The following APBA2 variants were observed in gnomAD, a reference collection of about 807,000 sequenced individuals.
The protein encoded by APBA2 is amyloid beta precursor protein binding family A member 2, also known as amyloid-beta A4 precursor protein-binding family A member 2.
Under a neutral mutation model 75.0 loss-of-function variants are expected in APBA2, and 30 were observed. That is an observed-to-expected ratio of 0.40 (90% CI 0.30 to 0.54). The LOEUF (loss-of-function observed/expected upper bound fraction) is 0.54. Ranked by LOEUF, APBA2 falls within the 20% of genes least tolerant of loss-of-function variation. APBA2 has a pLI of 0.49. For missense variants in APBA2, 801 were observed against 1,016.1 expected (o/e 0.79, Z 2.88); for synonymous variants, 444 against 409.6 (o/e 1.08, Z -1.01).
intron 3 of APBA2, among the ~76,000 whole-genome samples, chr15:29,020,121 T>TA (rs2039874635): frequency 6.6e-6 from 1 of 152,244 alleles, no homozygotes; most frequent in African/African-American, 2.4e-5. Flanking sequence ...ATGGGGTTAT[T>TA]CGTCTTTTTC....
chr15:28,967,839 A>G (rs980163234), intron 2 of APBA2, among the ~76,000 whole-genome samples: 21 of 152,234 alleles, frequency 1.4e-4, no homozygotes, highest in Non-Finnish European at 2.8e-4. Context: ...TGTACAGGTC[A>G]GTGACGTTAA....
rs1322913085 is a variant in APBA2 at position 28,991,424 on chromosome 15, AGCTCACCTTGTGCCG to A, written c.-94-4327_-94-4313del. Among the ~76,000 whole-genome samples, 2 of 120,600 alleles carry A rather than the reference AGCTCACCTTGTGCCG, an allele frequency of 1.7e-5. No homozygotes were observed. Among genetic ancestry groups the A allele is most frequent in the African/African-American group, 1.5e-4 (2 of 13,562 alleles). 79.1% of individuals were successfully genotyped at this position (120,600 alleles called of 152,430 possible). On this transcript the variant is annotated intron_variant, in intron 2 of 14. Coordinates refer to ENST00000683413, the MANE Select transcript of APBA2 (RefSeq NM_001353788.2). This position sits in a 1 kb window ranked among gnomAD's most constrained non-coding sequence, Gnocchi z 4.7. ...GCCGCAGGAGGCGTCCTTGTGCCGG[AGCTCACCTTGTGCCG>A]GAGCTCACCTTGTGCCAGGTGTTGA...
chr15:28,926,146 A>G (rs1219589931), intron 2 of APBA2, among the ~76,000 whole-genome samples: 2 of 152,142 alleles, frequency 1.3e-5, no homozygotes, highest in Admixed American at 1.3e-4. Context: ...CTCTGTTTCA[A>G]TGGGTGTGTT....
intron 2 of APBA2, among the ~76,000 whole-genome samples, chr15:28,955,740 C>T (rs1303259340): frequency 6.9e-6 from 1 of 145,218 alleles, no homozygotes; most frequent in African/African-American, 2.8e-5. Flanking sequence ...GGGTGTTCAT[C>T]AAAGCTCCTC....
chr15:29,064,770 A>C (rs1204436277), intron 4 of APBA2, among the ~76,000 whole-genome samples: 1 of 152,080 alleles, frequency 6.6e-6, no homozygotes. Context: ...CCAGGAGAGA[A>C]CTGGGGAGCT....
At chr15:29,063,314 A>G (rs374441045) in intron 4 of APBA2, among the ~76,000 whole-genome samples, 572 of 40,998 alleles carry the variant, frequency 0.014, no homozygotes, top group Middle Eastern at 0.02. Context: ...TGTATGGGTG[A>G]TGCGGGGAGT....
intron 3 of APBA2, among the ~76,000 whole-genome samples, chr15:29,010,479 C>T (rs1350602687): frequency 2.0e-5 from 3 of 152,096 alleles, no homozygotes; most frequent in East Asian, 1.9e-4. Context: ...AGGATAGTCT[C>T]GATCTCCTGA....
chr15:28,965,154 A>C (rs2036675324), intron 2 of APBA2, among the ~76,000 whole-genome samples: 2 of 152,112 alleles, frequency 1.3e-5, no homozygotes, highest in Admixed American at 1.3e-4. Flanking sequence ...TAAGGTATGA[A>C]ATTTATGTCA....
chr15:28,957,783 C>T (rs776592605), intron 2 of APBA2, among the ~76,000 whole-genome samples: 4 of 152,142 alleles, frequency 2.6e-5, no homozygotes, highest in South Asian at 4.1e-4. Context: ...GTGATGGGAA[C>T]GCTGTCTCTT....
intron 1 of APBA2, among the ~76,000 whole-genome samples, chr15:28,905,252 G>A (rs2033078116): frequency 6.6e-6 from 1 of 152,202 alleles, no homozygotes; most frequent in Non-Finnish European, 1.5e-5. Flanking sequence ...GATTTGCTCT[G>A]TTGAGCTGGA....
In APBA2 at chr15:29,108,373, G is replaced by A; in HGVS notation, c.2021G>A (p.Ser674Asn). Reference protein sequence around the residue: ...RPDLKYQLGFSVQNGIICSLM... With the variant: ...RPDLKYQLGFNVQNGIICSLM... ...GACCTCAAGTACCAGCTGGGCTTCA[G>A]CGTGCAGAATGGAATTGTGAGTTCC... The change falls in exon 13 of 15, where the codon AGC becomes AAC. Residue 674 changes from serine to asparagine, a missense_variant. Ser to Asn is a conservative substitution (Grantham distance 46). This residue lies in a region of APBA2 where 367 missense variants were observed against 544.5 expected (regional missense o/e 0.67). Transcript: ENST00000683413. The A allele has an allele frequency of 6.2e-7, 1 of 1,614,094 alleles. No individual in the cohort carries two copies. Among genetic ancestry groups the A allele is most frequent in the Non-Finnish European group, 8.5e-7 (1 of 1,180,034 alleles).
At chr15:28,951,476 G>T (rs1475911159) in intron 2 of APBA2, among the ~76,000 whole-genome samples, 1 of 152,208 alleles carries the variant, frequency 6.6e-6, no homozygotes, top group African/African-American at 2.4e-5. Flanking sequence ...TGGAGACAGG[G>T]TTCTTCTTGT....
intron 2 of APBA2, among the ~76,000 whole-genome samples, chr15:28,978,628 G>A (rs1183590004): frequency 6.6e-6 from 1 of 152,232 alleles, no homozygotes; most frequent in Non-Finnish European, 1.5e-5. Context: ...GAGCTATTGT[G>A]ATGGCTTCTG....
At position 29,053,911 on chromosome 15, in the gene APBA2, G is replaced by T; in HGVS notation, c.27G>T (p.Val9=). ...TGGCCCACCGGAAGCTTGAGAGCGTGGGGAGCGGCATGTTGGACCATAGGG... is the reference window on the plus strand; with the variant it reads ...TGGCCCACCGGAAGCTTGAGAGCGTTGGGAGCGGCATGTTGGACCATAGGG... MAHRKLES[V]GSGMLDHRVR... Residue 9 remains valine, a synonymous_variant, in exon 4 of 15, where the codon GTG becomes GTT. Transcript: ENST00000683413. 6.2e-7 allele frequency: 1 copy of T among 1,612,680 alleles called. No homozygotes were observed. Among genetic ancestry groups the T allele is most frequent in the Non-Finnish European group, 8.5e-7 (1 of 1,178,926 alleles).
At chr15:28,922,267 G>T (rs2034009834) in intron 2 of APBA2, among the ~76,000 whole-genome samples, 1 of 152,160 alleles carries the variant, frequency 6.6e-6, no homozygotes, top group African/African-American at 2.4e-5. Flanking sequence ...TTCCTAAATT[G>T]CTCAGCACCC....
At chr15:29,075,747 G>A (rs2152925705) in intron 5 of APBA2, among the ~76,000 whole-genome samples, 1 of 152,306 alleles carries the variant, frequency 6.6e-6, no homozygotes, top group Non-Finnish European at 1.5e-5. Flanking sequence ...AGATGGGCCT[G>A]GATGGCTCTC....
chr15:28,939,679 G>C (rs577820151), intron 2 of APBA2, among the ~76,000 whole-genome samples: 8 of 152,216 alleles, frequency 5.3e-5, no homozygotes, highest in African/African-American at 1.9e-4. Context: ...CCTTGGAAAC[G>C]AGAGCTGCCT....
intron 3 of APBA2, among the ~76,000 whole-genome samples, chr15:29,037,767 G>A (rs2040821368): frequency 6.6e-6 from 1 of 152,172 alleles, no homozygotes; most frequent in African/African-American, 2.4e-5. Context: ...CATGGTGCCA[G>A]CATCTGGTGA....
At chr15:28,900,839 C>G (rs2032805997) in intron 1 of APBA2, among the ~76,000 whole-genome samples, 1 of 152,166 alleles carries the variant, frequency 6.6e-6, no homozygotes, top group African/African-American at 2.4e-5. Context: ...ATTTGCTCAC[C>G]CCTTCACCCA....
Sources: gnomAD v4.1 joint callset for allele counts (sites outside exome capture counted in the v4.1 genomes callset) on GRCh38, gnomAD v4.1.1 for gene constraint, gnomAD v4.1.1 regional missense constraint, Gnocchi (gnomAD v3.1) non-coding constraint, MANE v1.5 for transcripts, NCBI Gene and HGNC (gene_info 2026-07-23, HGNC 2026-07-21) for gene names.